The following NAA11 variants were observed in gnomAD, a reference collection of about 807,000 sequenced individuals.
NAA11 encodes N-alpha-acetyltransferase 11.
NAA11 carries 15 observed loss-of-function variants against 16.1 expected under a neutral mutation model. The ratio of observed to expected loss-of-function variants is 0.93; its 90% CI spans 0.62 to 1.44. NAA11 has a LOEUF of 1.44. Ranked by LOEUF, NAA11 falls within the 40% of genes most tolerant of loss-of-function variation. NAA11 has a pLI of 0.00. For missense variants in NAA11, 298 were observed against 291.3 expected, an observed-to-expected ratio of 1.02 and a Z score of -0.17; for synonymous variants, 122 against 112.4, an observed-to-expected ratio of 1.09 and a Z score of -0.54.
At chr4:79,220,042 G>GGCT in the NAA11 span, among the ~76,000 whole-genome samples, 1 of 152,204 alleles carries the variant, frequency 6.6e-6, no homozygotes, top group African/African-American at 2.4e-5. Context: ...GTCCCAAGAA[G>GGCT]CCTAGGAGTA....
At chr4:79,223,646 TAAAAA>T (rs11348185), downstream of NAA11, among the ~76,000 whole-genome samples, 1 of 145,724 alleles carries the variant, frequency 6.9e-6, no homozygotes, top group African/African-American at 2.5e-5. Flanking sequence ...AAAGTATAAT[TAAAAA>T]AAAAAAAAAA....
the NAA11 span, among the ~76,000 whole-genome samples, chr4:79,190,982 T>A: frequency 6.6e-6 from 1 of 152,194 alleles, no homozygotes; most frequent in Non-Finnish European, 1.5e-5. Flanking sequence ...TCCATCTATA[T>A]TCCCGCAAAA....
the NAA11 span, among the ~76,000 whole-genome samples, chr4:79,206,018 T>C: frequency 1.3e-5 from 2 of 152,136 alleles, no homozygotes; most frequent in African/African-American, 2.4e-5. Flanking sequence ...TATAGCCTTG[T>C]AGTATAATTT....
chr4:79,240,336 A>G (rs1268002942), intron 2 of NAA11, among the ~76,000 whole-genome samples: 1 of 152,204 alleles, frequency 6.6e-6, no homozygotes, highest in Non-Finnish European at 1.5e-5. Flanking sequence ...GCAGTCAGGT[A>G]TAGTGTCAGT....
chr4:79,313,150 C>CA (rs199609107), downstream of NAA11, among the ~76,000 whole-genome samples: 101 of 144,622 alleles, frequency 7.0e-4, 1 homozygote, highest in East Asian at 6.0e-3. Flanking sequence ...AAAGAGGAAA[C>CA]AAAAAAAAAA....
At chr4:79,273,353 TA>T (rs1354511129) in intron 2 of NAA11, among the ~76,000 whole-genome samples, 1 of 151,992 alleles carries the variant, frequency 6.6e-6, no homozygotes, top group Admixed American at 6.6e-5. Flanking sequence ...ATCCATGCAC[TA>T]AAAAATATGT....
At chr4:79,318,723 T>C (rs904432192) in intron 1 of NAA11, among the ~76,000 whole-genome samples, 1 of 152,154 alleles carries the variant, frequency 6.6e-6, no homozygotes, top group Non-Finnish European at 1.5e-5. Flanking sequence ...ACTATCATCA[T>C]TGCCTTTTTC....
chr4:79,180,663 A>T, the NAA11 span, among the ~76,000 whole-genome samples: 7 of 152,204 alleles, frequency 4.6e-5, no homozygotes, highest in African/African-American at 1.7e-4. Context: ...ATTGTGGAAG[A>T]CAGTGTGGCG....
At chr4:79,161,299 A>T in the NAA11 span, among the ~76,000 whole-genome samples, 2 of 151,842 alleles carry the variant, frequency 1.3e-5, no homozygotes, top group Non-Finnish European at 2.9e-5. Flanking sequence ...CCTCAGAAGA[A>T]TCCTGGAGCC....
At chr4:79,319,007 T>C (rs375539667) in intron 1 of NAA11, among the ~76,000 whole-genome samples, 1 of 152,166 alleles carries the variant, frequency 6.6e-6, no homozygotes, top group Non-Finnish European at 1.5e-5. Flanking sequence ...AGCCTCAAAC[T>C]CCTGGGCACA....
chr4:79,250,718 A>G (rs1467964429), intron 2 of NAA11, among the ~76,000 whole-genome samples: 2 of 152,242 alleles, frequency 1.3e-5, no homozygotes, highest in African/African-American at 4.8e-5. Flanking sequence ...AATATTTGCA[A>G]ACTATGCATC....
chr4:79,209,161 T>C, the NAA11 span, among the ~76,000 whole-genome samples: 1 of 152,098 alleles, frequency 6.6e-6, no homozygotes, highest in Non-Finnish European at 1.5e-5. Flanking sequence ...TTTCCTGAAA[T>C]ACATTTCACA....
chr4:79,269,495 GT>G (rs1282491608), intron 2 of NAA11, among the ~76,000 whole-genome samples: 1 of 150,080 alleles, frequency 6.7e-6, no homozygotes, highest in Admixed American at 6.6e-5. Flanking sequence ...CTGCATAGAT[GT>G]CTTCTTTTGA....
chr4:79,252,188 C>T (rs945503196), intron 2 of NAA11, among the ~76,000 whole-genome samples: 6 of 152,062 alleles, frequency 3.9e-5, no homozygotes, highest in African/African-American at 7.2e-5. Flanking sequence ...CTCTAAAAGA[C>T]GGGATGGGGA....
At chr4:79,229,704 G>C (rs964322476) in intron 2 of NAA11, among the ~76,000 whole-genome samples, 6 of 151,862 alleles carry the variant, frequency 4.0e-5, no homozygotes, top group Non-Finnish European at 7.4e-5. Context: ...TGAGTTCTTT[G>C]TGTGTGCCAT....
At chr4:79,207,068 C>T in the NAA11 span, among the ~76,000 whole-genome samples, 7 of 151,668 alleles carry the variant, frequency 4.6e-5, no homozygotes, top group Admixed American at 1.3e-4. Flanking sequence ...GAGTCTTTAC[C>T]GAATTCATTT....
chr4:79,173,799 C>A, the NAA11 span, among the ~76,000 whole-genome samples: 1 of 152,028 alleles, frequency 6.6e-6, no homozygotes, highest in Admixed American at 6.6e-5. Flanking sequence ...AGCTTTATTT[C>A]TTTTTACTTG....
downstream of NAA11, among the ~76,000 whole-genome samples, chr4:79,223,316 T>TA (rs1325342001): frequency 2.7e-5 from 4 of 148,244 alleles, no homozygotes; most frequent in Non-Finnish European, 4.5e-5. Context: ...TATGCAGCCA[T>TA]AAAAAATGAT....
chr4:79,180,798 C>T, the NAA11 span, among the ~76,000 whole-genome samples: 1 of 152,116 alleles, frequency 6.6e-6, no homozygotes, highest in African/African-American at 2.4e-5. Context: ...TACTGCGGCA[C>T]TATTCACAAC....
Sources: allele counts gnomAD v4.1 joint callset (sites outside exome capture counted in the v4.1 genomes callset), GRCh38; gene constraint gnomAD v4.1.1; transcripts MANE v1.5; gene names NCBI Gene and HGNC (gene_info 2026-07-23, HGNC 2026-07-21).